APOBR: variants seen among roughly 807,000 people sequenced by gnomAD.
The protein encoded by APOBR is apoB-48R.
A neutral mutation model predicts 88.5 loss-of-function variants in APOBR; 57 were observed. The observed-to-expected ratio is 0.64, with a 90% CI of 0.52 to 0.80. The LOEUF (loss-of-function observed/expected upper bound fraction) is 0.80. APOBR is among the 30% of genes least tolerant of loss of function. The pLI, the probability that APOBR is intolerant of heterozygous loss-of-function variation, is 0.00. For synonymous variants in APOBR, 588 were observed against 572.7 expected, an observed-to-expected ratio of 1.03 and a Z score of -0.38; for missense variants, 1,443 against 1,401.6, an observed-to-expected ratio of 1.03 and a Z score of -0.47.
Position 28,495,163 on chromosome 16 carries a change from C to T in APOBR, c.122C>T (p.Ala41Val), listed in dbSNP as rs749446117. Residue 41 changes from alanine to valine, a missense_variant, in exon 2 of 4, where the codon GCG becomes GTG. Physicochemically the swap from Ala to Val is moderately conservative, Grantham distance 64. Transcript: ENST00000564831. Reference sequence around the variant, plus strand: ...GCAGTCCCCACTGTAGAGCGGGAGGCGCAGGCGGCTGAGGAACTGGGGGTG... The same window carrying T: ...GCAGTCCCCACTGTAGAGCGGGAGGTGCAGGCGGCTGAGGAACTGGGGGTG... Reference protein sequence around the residue: ...GDAVPTVEREAQAAEELGVVA... With the variant: ...GDAVPTVEREVQAAEELGVVA... 7 of 1,569,284 alleles carry T rather than the reference C, an allele frequency of 4.5e-6. No homozygotes were observed. Among genetic ancestry groups the T allele is most frequent in the East Asian group, 4.6e-5 (2 of 43,816 alleles).
chr16:28,498,576 C>A lies in APOBR; in HGVS notation c.*71C>A. On this transcript the variant is annotated 3_prime_UTR_variant, in exon 4 of 4. Transcript: ENST00000564831. ...AGGCTTGCTCCAATGCCACTGAGCC[C>A]TGCTCCCTCTGCCACTGTGGACACA... 6.7e-7 allele frequency: 1 copy of A among 1,490,884 alleles called. No homozygotes were observed. The highest frequency in any genetic ancestry group is 9.0e-7 in the Non-Finnish European group (1 of 1,105,626). The allele number at this position is 1,490,884 out of a possible 1,614,324, so 92.4% of individuals were successfully genotyped here.
chr16:28,496,318 A>G lies in APOBR; in HGVS notation c.1277A>G (p.Lys426Arg), dbSNP rs779351543. 12 of 1,585,016 alleles carry G rather than the reference A, an allele frequency of 7.6e-6. No homozygotes were observed. The highest frequency in any genetic ancestry group is 1.0e-5 in the Non-Finnish European group (12 of 1,166,624). The part of the protein sequence containing the change: ...EREAEVSPFP[K>R]QPQVLGTERT... ...GAGGCTGAGGTGAGCCCTTTCCCCA[A>G]ACAGCCCCAGGTCCTGGGCACTGAA... is the stretch of plus-strand genomic sequence containing the variant. The change falls in exon 2 of 4, where the codon AAA (lysine) becomes AGA (arginine). Residue 426 changes from lysine (K) to arginine (R), a missense_variant. By Grantham distance (26) the Lys-to-Arg change is conservative (BLOSUM62 2). Coordinates refer to ENST00000564831, the MANE Select transcript of APOBR (RefSeq NM_018690.4).
chr16:28,496,064 A>G lies in APOBR; in HGVS notation c.1023A>G (p.Ser341=), dbSNP rs62034311. The G allele has an allele frequency of 6.5e-6, 10 of 1,543,692 alleles. No homozygotes were observed. The highest frequency in any genetic ancestry group is 3.7e-5 in the South Asian group (3 of 81,472). ...ASGGEEAGIA[S]GGEAGTASGG... ...GAGGGGAGGAGGCCGGGATAGCCTC[A>G]GGCGGGGAGGCTGGGACAGCCTCAG... Residue 341 remains serine, a synonymous_variant, in exon 2 of 4, where the codon TCA becomes TCG. Coordinates refer to ENST00000564831, the MANE Select transcript of APOBR (RefSeq NM_018690.4).
At chr16:28,498,389 G>A (rs760719864) in intron 3 of APOBR, 40 bp downstream of exon 3, 38 of 1,597,918 alleles carry the variant, frequency 2.4e-5, no homozygotes, top group Admixed American at 6.9e-5. Flanking sequence ...GGAAGAGACC[G>A]CGGGCACCTG....
intron 1 of APOBR, 42 bp from the exon 2 acceptor site, chr16:28,495,057 C>T: frequency 6.9e-7 from 1 of 1,453,080 alleles, no homozygotes; most frequent in Non-Finnish European, 9.1e-7. Context: ...AGGGCTGGGA[C>T]TCTCCTCAAT....
Position 28,498,625 on chromosome 16 carries a change from G to C in APOBR, c.*120G>C, listed in dbSNP as rs1385970000. The C allele has an allele frequency of 8.8e-7, 1 of 1,134,526 alleles. No individual in the cohort carries two copies. Among genetic ancestry groups the C allele is most frequent in the African/African-American group, 1.6e-5 (1 of 64,178 alleles). 70.3% of individuals were successfully genotyped at this position (1,134,526 alleles called of 1,614,324 possible). A position where few individuals can be genotyped will look rare whatever the true frequency, so the allele number is the denominator to read the frequency against. Reference sequence around the variant, plus strand: ...CATCCTCTCCACCCTCTGGGCCTCAGTGTCTTGATGTATCATTCATGGAGC... The same window carrying C: ...CATCCTCTCCACCCTCTGGGCCTCACTGTCTTGATGTATCATTCATGGAGC... On this transcript the variant is annotated 3_prime_UTR_variant, in exon 4 of 4. Transcript: ENST00000564831.
chr16:28,498,387 C>A, intron 3 of APOBR, 38 bp downstream of exon 3: 1 of 1,598,184 alleles, frequency 6.3e-7, no homozygotes, highest in Non-Finnish European at 8.5e-7. Flanking sequence ...GGGGAAGAGA[C>A]CGCGGGCACC....
chr16:28,496,218 G>C lies in APOBR; in HGVS notation c.1177G>C (p.Ala393Pro). 6.3e-7 allele frequency: 1 copy of C among 1,594,852 alleles called. No homozygotes were observed. The highest frequency in any genetic ancestry group is 1.3e-5 in the African/African-American group (1 of 74,254). Residue 393 changes from alanine to proline, a missense_variant, in exon 2 of 4, where the codon GCA (alanine) becomes CCA (proline). By Grantham distance (27) the Ala-to-Pro change is conservative. Coordinates refer to ENST00000564831, the MANE Select transcript of APOBR (RefSeq NM_018690.4). ...LLGVRQTEYG[A>P]VPGERLLEAT... ...GGGAGTCAGACAGACAGAATATGGA[G>C]CAGTCCCAGGAGAAAGGCTCCTAGA...
In APOBR at chr16:28,497,621, C is replaced by G; in HGVS notation, c.2580C>G (p.Ser860=). 1 of 1,605,888 alleles carries G rather than the reference C, an allele frequency of 6.2e-7. No homozygotes were observed. Among genetic ancestry groups the G allele is most frequent in the Non-Finnish European group, 8.5e-7 (1 of 1,176,328 alleles). ...GCTGTGGGCTGGATCCCGCGGGCTC[C>G]CAGACAGCGAGGGCAGAGGGGATGG... ...EDSCGLDPAG[S]QTARAEGMGA... The change falls in exon 2 of 4, where the codon TCC becomes TCG. Residue 860 remains serine (S), a synonymous_variant. Coordinates refer to ENST00000564831, the MANE Select transcript of APOBR (RefSeq NM_018690.4).
Position 28,497,076 on chromosome 16 carries a change from G to A in APOBR, c.2035G>A (p.Glu679Lys). ...ATCAGAAGTCCCAGAGGCAGGCGGG[G>A]AGGGGCTGACAACCCAGGACGCGGG... is the stretch of plus-strand genomic sequence containing the variant. ...ELSEVPEAGG[E>K]GLTTQDAGCG... The change falls in exon 2 of 4, where the codon GAG becomes AAG. Residue 679 changes from glutamate to lysine, a missense_variant. Coordinates refer to ENST00000564831, the MANE Select transcript of APOBR (RefSeq NM_018690.4). The A allele has an allele frequency of 6.3e-7, 1 of 1,595,298 alleles. No homozygotes were observed. The highest frequency in any genetic ancestry group is 8.5e-7 in the Non-Finnish European group (1 of 1,171,448).
rs770428395 is a variant in APOBR, at chr16:28,496,183, C to T, written c.1142C>T (p.Ala381Val). 33 of 1,561,044 alleles carry T rather than the reference C, an allele frequency of 2.1e-5. No homozygotes were observed. Among genetic ancestry groups the T allele is most frequent in the Non-Finnish European group, 2.6e-5 (30 of 1,156,196 alleles). ...EAWTTSGKEE[A>V]DLLGVRQTEY... Reference sequence around the variant, plus strand: ...TGGACAACCTCAGGCAAAGAGGAGGCTGACCTGCTGGGAGTCAGACAGACA... The same window carrying T: ...TGGACAACCTCAGGCAAAGAGGAGGTTGACCTGCTGGGAGTCAGACAGACA... Residue 381 changes from alanine (A) to valine (V), a missense_variant, in exon 2 of 4, where the codon GCT becomes GTT. Coordinates refer to ENST00000564831, the MANE Select transcript of APOBR (RefSeq NM_018690.4).
chr16:28,498,572 A>AGCCCTGCTCCCTCTGCCACTGT lies in APOBR; in HGVS notation c.*69_*90dup. ...CAGAAGGCTTGCTCCAATGCCACTG[A>AGCCCTGCTCCCTCTGCCACTGT]GCCCTGCTCCCTCTGCCACTGTGGA... On this transcript the variant is annotated 3_prime_UTR_variant, in exon 4 of 4. Coordinates refer to ENST00000564831, the MANE Select transcript of APOBR (RefSeq NM_018690.4). 2 of 1,511,032 alleles carry AGCCCTGCTCCCTCTGCCACTGT rather than the reference A, an allele frequency of 1.3e-6. No homozygotes were observed. Among genetic ancestry groups the AGCCCTGCTCCCTCTGCCACTGT allele is most frequent in the South Asian group, 2.4e-5 (2 of 82,486 alleles). 93.6% of individuals were successfully genotyped at this position (1,511,032 alleles called of 1,614,324 possible).
intron 1 of APOBR, 138 bp downstream of exon 1, chr16:28,494,876 CAG>C: frequency 1.0e-6 from 1 of 953,722 alleles, no homozygotes; most frequent in Non-Finnish European, 1.6e-6. Flanking sequence ...CAGGTTCAGG[CAG>C]ACTCCTGGCC....
At position 28,498,256 on chromosome 16, in the gene APOBR, A is replaced by G. The variant is rs1255918352; in HGVS notation, c.3131A>G (p.Gln1044Arg). Residue 1044 changes from glutamine (Q) to arginine (R), a missense_variant, in exon 3 of 4, where the codon CAG becomes CGG. Physicochemically the swap from Gln to Arg is conservative, Grantham distance 43. Transcript: ENST00000564831. ...PPEEELSAPEQRPLQLEEPLE... is the reference protein window; with the variant it reads ...PPEEELSAPERRPLQLEEPLE... ...GAGGAGGAGCTGTCAGCTCCTGAGCAGAGACCCCTCCAGCTGGAGGAACCC... is the reference window on the plus strand; with the variant it reads ...GAGGAGGAGCTGTCAGCTCCTGAGCGGAGACCCCTCCAGCTGGAGGAACCC... 1.9e-6 allele frequency: 3 copies of G among 1,607,046 alleles called. No homozygotes were observed. The highest frequency in any genetic ancestry group is 2.5e-6 in the Non-Finnish European group (3 of 1,177,248).
At position 28,498,279 on chromosome 16, in the gene APOBR, C is replaced by T; in HGVS notation, c.3154C>T (p.Pro1052Ser). Residue 1052 changes from proline (P) to serine (S), a missense_variant, in exon 3 of 4, where the codon CCC becomes TCC. Coordinates refer to ENST00000564831, the MANE Select transcript of APOBR (RefSeq NM_018690.4). The part of the protein sequence containing the change: ...PEQRPLQLEE[P>S]LEPSPLRHDG... ...GCAGAGACCCCTCCAGCTGGAGGAA[C>T]CCCTGGAGCCAAGCCCTCTGAGGCA... 4 of 1,604,198 alleles carry T rather than the reference C, an allele frequency of 2.5e-6. No individual in the cohort carries two copies. The highest frequency in any genetic ancestry group is 4.5e-5 in the East Asian group (2 of 44,492).
chr16:28,496,100 G>A lies in APOBR; in HGVS notation c.1059G>A (p.Glu353=), dbSNP rs2141731745. The A allele has an allele frequency of 1.3e-6, 1 of 749,728 alleles. No homozygotes were observed. The highest frequency in any genetic ancestry group is 1.9e-5 in the South Asian group (1 of 52,358). 46.4% of individuals were successfully genotyped at this position (749,728 alleles called of 1,614,324 possible). A position where few individuals can be genotyped will look rare whatever the true frequency, so the allele number is the denominator to read the frequency against. The change falls in exon 2 of 4, where the codon GAG becomes GAA. Residue 353 remains glutamate (E), a synonymous_variant. Transcript: ENST00000564831. ...GEAGTASGGE[E]AGTASGGEEA... Reference sequence around the variant, plus strand: ...CTGGGACAGCCTCAGGAGGGGAGGAGGCCGGGACAGCCTCAGGAGGGGAGG... The same window carrying A: ...CTGGGACAGCCTCAGGAGGGGAGGAAGCCGGGACAGCCTCAGGAGGGGAGG...
chr16:28,497,142 C>A lies in APOBR; in HGVS notation c.2101C>A (p.Gln701Lys). Residue 701 changes from glutamine to lysine, a missense_variant, in exon 2 of 4, where the codon CAG becomes AAG. Gln to Lys is a moderately conservative substitution (Grantham distance 53, BLOSUM62 1). Coordinates refer to ENST00000564831, the MANE Select transcript of APOBR (RefSeq NM_018690.4). ...EEGEASVSEN[Q>K]ELDGSTGADA... is the part of the protein sequence containing the mutation. ...GGGAGAGGCATCTGTCTCAGAGAAC[C>A]AGGAGCTGGACGGAAGCACAGGGGC... 6.2e-7 allele frequency: 1 copy of A among 1,606,586 alleles called. No homozygotes were observed. Among genetic ancestry groups the A allele is most frequent in the Non-Finnish European group, 8.5e-7 (1 of 1,176,934 alleles).
chr16:28,498,047 G>A (rs370292253), intron 2 of APOBR, 34 bp from the exon 3 acceptor site: 28 of 1,545,784 alleles, frequency 1.8e-5, no homozygotes, highest in Middle Eastern at 1.7e-4. Flanking sequence ...TCCCGAAGCC[G>A]GCCCCATGGT....
chr16:28,494,711 G>A lies in APOBR; in HGVS notation c.30G>A (p.Gly10=). The change falls in exon 1 of 4, where the codon GGG becomes GGA. Residue 10 remains glycine, a synonymous_variant. Transcript: ENST00000564831. MDFLRLYLP[G]LHQALRGALD... is the part of the protein sequence containing the mutation. ...ACTTCCTCCGGCTATACCTCCCTGG[G>A]CTGCACCAGGCCTTGAGGGGGGCAC... 1 of 1,612,408 alleles carries A rather than the reference G, an allele frequency of 6.2e-7. No individual in the cohort carries two copies. The highest frequency in any genetic ancestry group is 8.5e-7 in the Non-Finnish European group (1 of 1,178,994).
Sources: gnomAD v4.1 joint callset for allele counts on GRCh38, gnomAD v4.1.1 for gene constraint, MANE v1.5 for transcripts, NCBI Gene and HGNC (gene_info 2026-07-23, HGNC 2026-07-21) for gene names.